Variants in KIF16B observed in about 807,000 individuals in gnomAD.
KIF16B encodes the protein kinesin family member 16B.
A neutral mutation model predicts 156.3 loss-of-function variants in KIF16B; 98 were observed. That is an observed-to-expected ratio of 0.63 (90% CI 0.53 to 0.74). The LOEUF is 0.74. Ranked by LOEUF, KIF16B falls within the 30% of genes least tolerant of loss-of-function variation. The probability of loss-of-function intolerance (pLI) is 0.00; values close to 1 mark genes in which losing one functional copy is unlikely to be tolerated. For missense variants in KIF16B, 1,421 were observed against 1,606.5 expected, an observed-to-expected ratio of 0.88 and a Z score of 1.97; for synonymous variants, 564 against 583.7, an observed-to-expected ratio of 0.97 and a Z score of 0.49.
At chr20:16,327,605 G>A (rs552143598) in intron 24 of KIF16B, among the ~76,000 whole-genome samples, 2 of 152,192 alleles carry the variant, frequency 1.3e-5, no homozygotes, top group African/African-American at 4.8e-5. Context: ...TCCTAGTTTG[G>A]GGCCTGAGTC....
chr20:16,445,419 CGT>C (rs11467171), intron 12 of KIF16B, among the ~76,000 whole-genome samples: 36 of 146,754 alleles, frequency 2.5e-4, no homozygotes, highest in Admixed American at 2.7e-4. Flanking sequence ...CATGTATATA[CGT>C]GTGTGTGTGT....
chr20:16,290,743 T>A (rs1007059791), intron 25 of KIF16B, among the ~76,000 whole-genome samples: 11 of 152,002 alleles, frequency 7.2e-5, no homozygotes, highest in Non-Finnish European at 1.6e-4. Flanking sequence ...ATGAAGAAGA[T>A]TAGCTAGGGA....
intron 24 of KIF16B, among the ~76,000 whole-genome samples, chr20:16,332,041 A>C (rs2063957167): frequency 6.6e-6 from 1 of 152,210 alleles, no homozygotes; most frequent in African/African-American, 2.4e-5. Context: ...GCTTTATCTT[A>C]AAAATGTTAA....
chr20:16,445,117 A>G (rs2066898252), intron 12 of KIF16B, among the ~76,000 whole-genome samples: 1 of 152,158 alleles, frequency 6.6e-6, no homozygotes, highest in Non-Finnish European at 1.5e-5. Context: ...CAGGAAGATC[A>G]TCAGCCTAAG....
intron 25 of KIF16B, among the ~76,000 whole-genome samples, chr20:16,310,472 A>C (rs184629191): frequency 5.1e-4 from 77 of 152,362 alleles, no homozygotes; most frequent in Non-Finnish European, 8.2e-4. Context: ...CAAAATGCCC[A>C]ATCTGTCATG....
rs760399657 is a variant in KIF16B, at chr20:16,379,416, C to T, written c.2586G>A (p.Glu862=). 2 of 1,612,482 alleles carry T rather than the reference C, an allele frequency of 1.2e-6. No homozygotes were observed. Among genetic ancestry groups the T allele is most frequent in the Non-Finnish European group, 1.7e-6 (2 of 1,179,562 alleles). Residue 862 remains glutamate (E), a synonymous_variant, in exon 19 of 26, where the codon GAG becomes GAA. Transcript: ENST00000354981. ...CTTTGTCATGTTCACATTTTAAACA[C>T]TCTAGGATCTCCTGTTCTTCTTGGA... ...KEVQEEQEIL[E]CLKCEHDKES...
chr20:16,407,799 A>AT (rs1272515365), intron 15 of KIF16B, among the ~76,000 whole-genome samples: 2 of 152,110 alleles, frequency 1.3e-5, no homozygotes, highest in African/African-American at 2.4e-5. Context: ...CTATAGATGT[A>AT]TTTTTTTGTG....
At chr20:16,402,469 C>T (rs889317622) in intron 17 of KIF16B, among the ~76,000 whole-genome samples, 1 of 152,000 alleles carries the variant, frequency 6.6e-6, no homozygotes, top group Non-Finnish European at 1.5e-5. Context: ...ACAAAGAAGA[C>T]AAAATAAGGA....
At chr20:16,302,201 C>T (rs530233468) in intron 25 of KIF16B, among the ~76,000 whole-genome samples, 2 of 152,236 alleles carry the variant, frequency 1.3e-5, no homozygotes, top group South Asian at 2.1e-4. Context: ...TTTCCACATC[C>T]AAAGTCATCT....
intron 17 of KIF16B, 76 bp from the exon 18 acceptor site, chr20:16,381,823 T>A: frequency 8.4e-7 from 1 of 1,192,892 alleles, no homozygotes; most frequent in Non-Finnish European, 1.2e-6. Context: ...GTATACAGAG[T>A]CACATATTAA....
intron 1 of KIF16B, among the ~76,000 whole-genome samples, chr20:16,556,530 T>A (rs886714789): frequency 1.3e-5 from 2 of 152,192 alleles, no homozygotes; most frequent in Non-Finnish European, 2.9e-5. Context: ...GATTCTGTTC[T>A]CCATTAGCAG....
chr20:16,305,599 C>A (rs1036884737), intron 25 of KIF16B, among the ~76,000 whole-genome samples: 7 of 152,076 alleles, frequency 4.6e-5, no homozygotes, highest in Admixed American at 2.6e-4. Context: ...ACTATAATAG[C>A]CACACTGTAT....
chr20:16,474,593 G>A (rs1354325214), intron 12 of KIF16B, among the ~76,000 whole-genome samples: 1 of 152,206 alleles, frequency 6.6e-6, no homozygotes, highest in Non-Finnish European at 1.5e-5. Context: ...AGAAGTTGCT[G>A]AGCGGGGCTT....
rs768158288 is a variant in KIF16B at position 16,379,540 on chromosome 20, GC to G, written c.2461del (p.Ala821LeufsTer16). Reference protein sequence around the residue: ...GDEDGEELEKAQLRFFEFKRR... With the variant: ...GDEDGEELEKXQLRFFEFKRR... ...CTTGAATTCGAAGAAACGCAGTTGA[GC>G]CTTTTCTAACTCCTCGCCATCTTCA... On this transcript the variant is annotated frameshift_variant, in exon 19 of 26. Coordinates refer to ENST00000354981, the MANE Select transcript of KIF16B (RefSeq NM_024704.5). LOFTEE classifies it high-confidence loss of function. 5 of 1,614,008 alleles carry G rather than the reference GC, an allele frequency of 3.1e-6. No individual in the cohort carries two copies. The African/African-American group carries it at 6.7e-5, about 22-fold the overall frequency.
intron 22 of KIF16B, among the ~76,000 whole-genome samples, chr20:16,361,207 A>G (rs887398229): frequency 4.6e-5 from 7 of 152,204 alleles, no homozygotes; most frequent in African/African-American, 1.4e-4. Context: ...TGATAGTTCT[A>G]ATTAGAGCTA....
intron 25 of KIF16B, among the ~76,000 whole-genome samples, chr20:16,304,996 G>A (rs888312896): frequency 2.6e-5 from 4 of 152,110 alleles, no homozygotes; most frequent in Non-Finnish European, 5.9e-5. Flanking sequence ...TATCAATACT[G>A]ACAGCCATTA....
chr20:16,457,943 A>C (rs1326100072), intron 12 of KIF16B, among the ~76,000 whole-genome samples: 1 of 152,238 alleles, frequency 6.6e-6, no homozygotes, highest in Non-Finnish European at 1.5e-5. Context: ...TACATAAGTA[A>C]AGCATGAGTG....
chr20:16,312,111 T>C (rs1417052845), intron 25 of KIF16B, among the ~76,000 whole-genome samples: 1 of 152,176 alleles, frequency 6.6e-6, no homozygotes, highest in Admixed American at 6.5e-5. Flanking sequence ...TGCATCTTCT[T>C]AAAAATAAGA....
At chr20:16,442,422 T>TATAC (rs2066828497) in intron 12 of KIF16B, among the ~76,000 whole-genome samples, 1 of 150,764 alleles carries the variant, frequency 6.6e-6, no homozygotes, top group African/African-American at 2.4e-5. Flanking sequence ...ATACATATTA[T>TATAC]ATATATATAC....
Sources: gnomAD v4.1 joint callset for allele counts (sites outside exome capture counted in the v4.1 genomes callset) on GRCh38, gnomAD v4.1.1 for gene constraint, MANE v1.5 for transcripts, NCBI Gene and HGNC (gene_info 2026-07-23, HGNC 2026-07-21) for gene names.